The following CYREN variants were observed in gnomAD, a reference collection of about 807,000 sequenced individuals.
CYREN encodes cell cycle regulator of non-homologous end joining.
CYREN carries 7 observed loss-of-function variants against 9.7 expected under a neutral mutation model. The observed-to-expected ratio is 0.72, with a 90% confidence interval of 0.41 to 1.36. CYREN has a LOEUF of 1.36. Among genes scored for constraint, CYREN ranks in the 40% most tolerant of loss-of-function variants. CYREN has a pLI of 0.01. For synonymous variants in CYREN, 76 were observed against 77.9 expected, an observed-to-expected ratio of 0.98 and a Z score of 0.13; for missense variants, 215 against 198.1, an observed-to-expected ratio of 1.09 and a Z score of -0.51.
chr7:135,094,266 A>G (rs2116939961), exon 3 of CYREN: 1 of 401,432 alleles, frequency 2.5e-6, no homozygotes, highest in East Asian at 7.2e-5. Context: ...TGAACAAACT[A>G]AAAATCAGCA....
intron 2 of CYREN, among the ~76,000 whole-genome samples, chr7:135,102,165 A>G (rs1823935663): frequency 6.6e-6 from 1 of 152,196 alleles, no homozygotes; most frequent in Non-Finnish European, 1.5e-5. Context: ...GTTAGTTTAA[A>G]TTATAGTAAG....
chr7:135,170,433 C>A (rs566656091), intron 1 of CYREN: 4 of 152,408 alleles, frequency 2.6e-5, no homozygotes, highest in Admixed American at 2.6e-4. Context: ...GAGTGCGGAG[C>A]GGAAGGCGCG....
chr7:135,168,454 C>A, intron 2 of CYREN: 1 of 379,678 alleles, frequency 2.6e-6, no homozygotes, highest in Non-Finnish European at 4.8e-6. Context: ...TGATCTTGCC[C>A]ATCTGATGTT....
intron 2 of CYREN, among the ~76,000 whole-genome samples, chr7:135,138,000 A>C (rs1265213113): frequency 2.0e-5 from 3 of 147,666 alleles, no homozygotes; most frequent in Non-Finnish European, 4.5e-5. Flanking sequence ...CGATCACACT[A>C]GGGGTTAGGA....
At chr7:135,145,320 C>T (rs921911238) in intron 2 of CYREN, among the ~76,000 whole-genome samples, 3 of 151,934 alleles carry the variant, frequency 2.0e-5, no homozygotes, top group Non-Finnish European at 2.9e-5. Context: ...TTCAGTGTAC[C>T]CATTTCTCAG....
rs933418617 is a variant in CYREN at position 135,167,822 on chromosome 7, T to C, written c.138-15A>G. On this transcript the variant is annotated splice_polypyrimidine_tract_variant and intron_variant, in intron 2 of 3. Coordinates refer to ENST00000393114, the MANE Select transcript of CYREN (RefSeq NM_024033.4). ...TCGCAGGGAGTCTGAAAAAAAGACA[T>C]GCAAGGCACAGATGACACAGACTCT... 1.1e-5 allele frequency: 18 copies of C among 1,613,954 alleles called. No individual in the cohort carries two copies. In the African/African-American group the frequency reaches 1.9e-4, roughly 17 times the overall value.
chr7:135,115,679 A>G, intron 2 of CYREN: 1 of 1,282,062 alleles, frequency 7.8e-7, no homozygotes, highest in Non-Finnish European at 1.1e-6. Context: ...AGGGCTTATT[A>G]ATTTATTATC....
intron 2 of CYREN, among the ~76,000 whole-genome samples, chr7:135,097,003 T>C (rs1822996184): frequency 6.6e-6 from 1 of 152,138 alleles, no homozygotes; most frequent in South Asian, 2.1e-4. Flanking sequence ...TCTAAATCAA[T>C]TGAAAGTGTT....
chr7:135,133,653 A>G (rs1037916951), intron 2 of CYREN, among the ~76,000 whole-genome samples: 6 of 152,196 alleles, frequency 3.9e-5, no homozygotes, highest in Non-Finnish European at 8.8e-5. Context: ...TAGGGAATTC[A>G]AAAGCAATTC....
intron 2 of CYREN, among the ~76,000 whole-genome samples, chr7:135,113,594 C>G (rs1444477666): frequency 1.3e-5 from 2 of 152,124 alleles, no homozygotes; most frequent in Non-Finnish European, 2.9e-5. Flanking sequence ...TTTTAAATGT[C>G]TGACTACTAG....
chr7:135,141,982 G>C (rs1185728602), intron 2 of CYREN, among the ~76,000 whole-genome samples: 1 of 152,078 alleles, frequency 6.6e-6, no homozygotes, highest in Non-Finnish European at 1.5e-5. Flanking sequence ...GTTGATCTTA[G>C]AGTATGTGCC....
intron 2 of CYREN, among the ~76,000 whole-genome samples, chr7:135,104,848 A>G (rs187049294): frequency 5.3e-5 from 8 of 151,496 alleles, no homozygotes; most frequent in African/African-American, 1.5e-4. Context: ...GTCAGATGCA[A>G]ATATTTTCTC....
intron 2 of CYREN, among the ~76,000 whole-genome samples, chr7:135,156,028 C>T (rs1829783326): frequency 8.3e-6 from 1 of 120,478 alleles, no homozygotes; most frequent in Non-Finnish European, 1.9e-5. Flanking sequence ...CTGACAGACA[C>T]ACTGTTTTTT....
In CYREN at chr7:135,167,796, G is replaced by C. The variant is rs779449884; in HGVS notation, c.149C>G (p.Thr50Arg). ...VPVAAARLPA[T>R]RTVYCMNEAE... ...CTCATTCATGCAGTACACAGTCCTTGTCGCAGGGAGTCTGAAAAAAAGACA... is the reference window on the plus strand; with the variant it reads ...CTCATTCATGCAGTACACAGTCCTTCTCGCAGGGAGTCTGAAAAAAAGACA... Residue 50 changes from threonine to arginine, a missense_variant, in exon 3 of 4, where the codon ACA (threonine) becomes AGA (arginine). Transcript: ENST00000393114. The C allele has an allele frequency of 6.2e-7, 1 of 1,614,190 alleles. No individual in the cohort carries two copies. Among genetic ancestry groups the C allele is most frequent in the South Asian group, 1.1e-5 (1 of 91,078 alleles).
chr7:135,134,023 A>G (rs1209075911), intron 2 of CYREN, among the ~76,000 whole-genome samples: 1 of 152,182 alleles, frequency 6.6e-6, no homozygotes, highest in Admixed American at 6.6e-5. Context: ...TAAAATAACA[A>G]AATAATATAA....
downstream of CYREN, chr7:135,164,469 G>C: frequency 6.3e-7 from 1 of 1,598,046 alleles, no homozygotes; most frequent in Non-Finnish European, 8.6e-7. Flanking sequence ...TCGGTGGCGC[G>C]ACCAGCTGCT....
At chr7:135,154,802 G>A (rs1585347103) in intron 2 of CYREN, among the ~76,000 whole-genome samples, 1 of 152,204 alleles carries the variant, frequency 6.6e-6, no homozygotes, top group Non-Finnish European at 1.5e-5. Context: ...TCCATGTGCT[G>A]ACAAAAATAA....
chr7:135,121,258 A>G (rs7385236), intron 2 of CYREN, among the ~76,000 whole-genome samples: 73,772 of 152,056 alleles, frequency 0.49, 18,267 homozygotes, highest in South Asian at 0.66. Flanking sequence ...GCAAAAACTG[A>G]TAAAACAGAA....
At chr7:135,113,721 T>C (rs963652825) in intron 2 of CYREN, among the ~76,000 whole-genome samples, 13 of 152,222 alleles carry the variant, frequency 8.5e-5, no homozygotes, top group African/African-American at 3.1e-4. Context: ...TACAATTCAG[T>C]AGTGTTAAGT....
Sources: gnomAD v4.1 joint callset for allele counts (sites outside exome capture counted in the v4.1 genomes callset) on GRCh38, gnomAD v4.1.1 for gene constraint, MANE v1.5 for transcripts, NCBI Gene and HGNC (gene_info 2026-07-23, HGNC 2026-07-21) for gene names.